Variants in CD200R1 observed in about 807,000 individuals in gnomAD.
CD200R1 encodes cell surface glycoprotein CD200 receptor 1.
A neutral mutation model predicts 38.1 loss-of-function variants in CD200R1; 30 were observed. That is an observed-to-expected ratio of 0.79 (90% CI 0.59 to 1.07). CD200R1 has a LOEUF of 1.07. Ranked by LOEUF, CD200R1 falls within the 50% of genes least tolerant of loss-of-function variation. The pLI is 0.00. For missense variants in CD200R1, 372 were observed against 415.4 expected (o/e 0.90, Z 0.91); for synonymous variants, 128 against 152.1 (o/e 0.84, Z 1.16).
chr3:112,944,054 T>C (rs554880416), intron 2 of CD200R1, among the ~76,000 whole-genome samples: 104 of 152,060 alleles, frequency 6.8e-4, no homozygotes, highest in African/African-American at 2.4e-3. Context: ...TGATAAATTC[T>C]GTTAAATATT....
chr3:112,940,748 T>C (rs573646089), intron 2 of CD200R1, among the ~76,000 whole-genome samples: 2 of 151,858 alleles, frequency 1.3e-5, no homozygotes, highest in African/African-American at 4.8e-5. Context: ...TGGAAGTTCC[T>C]AAAAAAATTA....
At chr3:112,936,840 G>A (rs926101517) in intron 2 of CD200R1, among the ~76,000 whole-genome samples, 3 of 152,082 alleles carry the variant, frequency 2.0e-5, no homozygotes, top group Non-Finnish European at 4.4e-5. Flanking sequence ...TTTTGTTGAA[G>A]TTGCTTTTGG....
chr3:112,946,076 T>G (rs1394894970), intron 2 of CD200R1, among the ~76,000 whole-genome samples: 1 of 138,722 alleles, frequency 7.2e-6, no homozygotes, highest in African/African-American at 2.7e-5. Flanking sequence ...ATAAGCCACA[T>G]ACTAAAAAAA....
intron 1 of CD200R1, among the ~76,000 whole-genome samples, chr3:112,970,062 CA>C (rs1933264366): frequency 6.6e-6 from 1 of 151,908 alleles, no homozygotes; most frequent in Non-Finnish European, 1.5e-5. Flanking sequence ...CCTGTAGTCC[CA>C]GCTACTTGGG....
intron 1 of CD200R1, 30 bp downstream of exon 1, chr3:112,974,761 A>T (rs781157201): frequency 8.3e-6 from 12 of 1,442,346 alleles, no homozygotes; most frequent in Non-Finnish European, 1.2e-5. Flanking sequence ...CAGGTTTCTC[A>T]CTGTTCTCCC....
chr3:112,960,830 T>C (rs1932998638), intron 1 of CD200R1, among the ~76,000 whole-genome samples: 1 of 151,444 alleles, frequency 6.6e-6, no homozygotes, highest in African/African-American at 2.4e-5. Context: ...TGTATGTAAA[T>C]CAAATGCAAT....
intron 7 of CD200R1, 139 bp from the exon 8 acceptor site, chr3:112,923,938 A>T (rs945411401): frequency 1.8e-6 from 1 of 554,476 alleles, no homozygotes; most frequent in East Asian, 3.2e-5. Context: ...GGGCCTATAT[A>T]AACATAAGAG....
At position 112,923,748 on chromosome 3, in the gene CD200R1, CAT is replaced by C; in HGVS notation, c.974_975del (p.Tyr325Ter). ...ASYTEKNNPLYDTTNKVKASE... is the reference protein window; with the variant it reads ...ASYTEKNNPLXDTTNKVKASE... ...GATGCCTTCACCTTGTTTGTAGTAT[CAT>C]AGAGAGGATTGTTCTTCTCTGTGTA... On this transcript the variant is annotated frameshift_variant, in exon 8 of 8. Coordinates refer to ENST00000308611, the MANE Select transcript of CD200R1 (RefSeq NM_138806.4). LOFTEE classifies it low-confidence loss of function (END_TRUNC). 1 of 1,608,982 alleles carries C rather than the reference CAT, an allele frequency of 6.2e-7. No individual in the cohort carries two copies. The highest frequency in any genetic ancestry group is 2.2e-5 in the East Asian group (1 of 44,464).
chr3:112,935,612 A>T (rs1940556070), intron 2 of CD200R1, among the ~76,000 whole-genome samples: 1 of 152,178 alleles, frequency 6.6e-6, no homozygotes, highest in African/African-American at 2.4e-5. Context: ...ATAGCAATAA[A>T]TCCCTACATC....
At chr3:112,969,331 T>G (rs556942684) in intron 1 of CD200R1, among the ~76,000 whole-genome samples, 1 of 152,238 alleles carries the variant, frequency 6.6e-6, no homozygotes, top group South Asian at 2.1e-4. Context: ...AACTAAGAAC[T>G]AAGAGAACTC....
Position 112,974,791 on chromosome 3 carries a change from C to T in CD200R1, c.67G>A (p.Glu23Lys), listed in dbSNP as rs200149858. ...TCTCCCAAAGAGAATTCAAACTTAC[C>T]GGCCACTAAGAAGATAGTCAAAATC... is the stretch of plus-strand genomic sequence containing the variant. ...LLILTIFLVAEAEGAAQPNNS... is the reference protein window; with the variant it reads ...LLILTIFLVAKAEGAAQPNNS... The change falls in exon 1 of 8, where the codon GAA (glutamate) becomes AAA (lysine). Residue 23 changes from glutamate (E) to lysine (K), a missense_variant and splice_region_variant. Physicochemically the swap from Glu to Lys is moderately conservative, Grantham distance 56. Coordinates refer to ENST00000308611, the MANE Select transcript of CD200R1 (RefSeq NM_138806.4). 4.5e-5 allele frequency: 72 copies of T among 1,599,946 alleles called. 1 individual carries two copies. The East Asian group carries it at 1.0e-3, about 23-fold the overall frequency.
intron 3 of CD200R1, among the ~76,000 whole-genome samples, 170 bp downstream of exon 3, chr3:112,930,934 GGA>G (rs921472750): frequency 1.1e-4 from 16 of 152,168 alleles, no homozygotes; most frequent in Non-Finnish European, 2.2e-4. Flanking sequence ...TGGCTTGTTT[GGA>G]GAACAACTAG....
chr3:112,952,004 C>A (rs1940978857), intron 1 of CD200R1, among the ~76,000 whole-genome samples: 2 of 147,524 alleles, frequency 1.4e-5, no homozygotes, highest in African/African-American at 2.5e-5. Context: ...TATATGAATG[C>A]AAACCTAGAA....
Position 112,928,805 on chromosome 3 carries a change from G to T in CD200R1, c.769+11C>A, listed in dbSNP as rs774244899. The T allele has an allele frequency of 6.3e-6, 10 of 1,574,816 alleles. No individual in the cohort carries two copies. The Admixed American group carries it at 1.1e-4, about 17-fold the overall frequency. On this transcript the variant is annotated intron_variant, in intron 5 of 7. Coordinates refer to ENST00000308611, the MANE Select transcript of CD200R1 (RefSeq NM_138806.4). ...AAAAAAATAAAAAATAAAACTAAAA[G>T]AATTACTGACCAGGAAGTAGCTCTA...
chr3:112,967,186 T>C (rs897889435), intron 1 of CD200R1, among the ~76,000 whole-genome samples: 4 of 152,122 alleles, frequency 2.6e-5, no homozygotes, highest in African/African-American at 9.7e-5. Flanking sequence ...CACCAAAGTC[T>C]CAGCTGCTTT....
At chr3:112,962,391 T>A (rs1933044868) in intron 1 of CD200R1, among the ~76,000 whole-genome samples, 1 of 152,174 alleles carries the variant, frequency 6.6e-6, no homozygotes, top group Non-Finnish European at 1.5e-5. Context: ...AATTCTAGCA[T>A]TGTTTTCCAA....
intron 2 of CD200R1, among the ~76,000 whole-genome samples, chr3:112,937,678 T>C (rs746823788): frequency 9.2e-5 from 14 of 152,210 alleles, no homozygotes; most frequent in Admixed American, 1.3e-4. Flanking sequence ...ATTTGGGTTA[T>C]GTTTTGGTTC....
At chr3:112,939,806 T>C (rs1431538490) in intron 2 of CD200R1, among the ~76,000 whole-genome samples, 1 of 147,460 alleles carries the variant, frequency 6.8e-6, no homozygotes, top group African/African-American at 2.5e-5. Context: ...ATCCTGAAAT[T>C]TACATGGAAC....
At chr3:112,941,775 A>G (rs1940734631) in intron 2 of CD200R1, among the ~76,000 whole-genome samples, 1 of 151,684 alleles carries the variant, frequency 6.6e-6, no homozygotes, top group Admixed American at 6.6e-5. Context: ...ACCTACACCT[A>G]GATGTATTAT....
Sources: allele counts gnomAD v4.1 joint callset (sites outside exome capture counted in the v4.1 genomes callset), GRCh38; gene constraint gnomAD v4.1.1; transcripts MANE v1.5; gene names NCBI Gene and HGNC (gene_info 2026-07-23, HGNC 2026-07-21).